SLC22A23: variants seen among roughly 807,000 people sequenced by gnomAD.
SLC22A23 encodes the protein solute carrier family 22 member 23, also known as ion transporter protein.
Under a neutral mutation model 61.0 loss-of-function variants are expected in SLC22A23, and 26 were observed. That is an observed-to-expected ratio of 0.43 (90% CI 0.31 to 0.59). SLC22A23 has a LOEUF of 0.59. Among genes scored for constraint, SLC22A23 ranks in the 20% least tolerant of loss-of-function variants. SLC22A23 has a pLI of 0.11. For missense variants in SLC22A23, 796 were observed against 934.7 expected, an observed-to-expected ratio of 0.85 and a Z score of 1.94; for synonymous variants, 430 against 413.9, an observed-to-expected ratio of 1.04 and a Z score of -0.47.
At chr6:3,429,887 G>C (rs946720288) in intron 1 of SLC22A23, among the ~76,000 whole-genome samples, 1 of 152,220 alleles carries the variant, frequency 6.6e-6, no homozygotes, top group Non-Finnish European at 1.5e-5. Context: ...GGGGTTACCA[G>C]GGGCTGGGGT....
chr6:3,456,571 G>A lies in SLC22A23; in HGVS notation c.-12C>T. On this transcript the variant is annotated 5_prime_UTR_variant, in exon 1 of 10. Coordinates refer to ENST00000406686, the MANE Select transcript of SLC22A23 (RefSeq NM_015482.2). The surrounding 1 kb of genome is among the most constrained non-coding windows in gnomAD (Gnocchi z 7.1). ...CGGTCTATGGCCATGGCCCGGGCCCGCGGCTCCCGCAGAGGCGCATAGAGC... is the reference window on the plus strand; with the variant it reads ...CGGTCTATGGCCATGGCCCGGGCCCACGGCTCCCGCAGAGGCGCATAGAGC... 1 of 983,058 alleles carries A rather than the reference G, an allele frequency of 1.0e-6. No individual in the cohort carries two copies. The highest frequency in any genetic ancestry group is 1.2e-6 in the Non-Finnish European group (1 of 830,146). 60.9% of individuals were successfully genotyped at this position (983,058 alleles called of 1,614,324 possible).
intron 1 of SLC22A23, among the ~76,000 whole-genome samples, chr6:3,455,037 A>C (rs1410201050): frequency 6.6e-6 from 1 of 152,208 alleles, no homozygotes; most frequent in African/African-American, 2.4e-5. Context: ...TATCTCTTAT[A>C]TGTTAAGAAT....
chr6:3,428,862 C>T (rs148701370), intron 1 of SLC22A23, among the ~76,000 whole-genome samples: 6 of 152,228 alleles, frequency 3.9e-5, no homozygotes, highest in East Asian at 1.9e-4. Flanking sequence ...GGCTAATTAG[C>T]GATAACATTC....
intron 3 of SLC22A23, among the ~76,000 whole-genome samples, chr6:3,382,744 T>C (rs28636576): frequency 0.022 from 3,299 of 152,324 alleles, 135 homozygotes; most frequent in East Asian, 0.16. Flanking sequence ...AAAAAACATA[T>C]GGCCTGCAAA....
chr6:3,396,187 C>T (rs536480019), intron 3 of SLC22A23, among the ~76,000 whole-genome samples: 1 of 152,288 alleles, frequency 6.6e-6, no homozygotes, highest in Admixed American at 6.5e-5. Flanking sequence ...TGGTCCCTGG[C>T]TAGGGCTCCA....
chr6:3,316,218 T>G (rs1762630620), intron 4 of SLC22A23, among the ~76,000 whole-genome samples: 1 of 152,186 alleles, frequency 6.6e-6, no homozygotes, highest in South Asian at 2.1e-4. Context: ...AGTGATTTGG[T>G]GAAGGTTTTT....
intron 8 of SLC22A23, chr6:3,284,861 CACAA>C (rs1305688712): frequency 3.3e-6 from 5 of 1,521,858 alleles, no homozygotes; most frequent in Admixed American, 2.0e-5. Context: ...CCAAGCAGCA[CACAA>C]ACAGGGAAGC....
At chr6:3,404,718 T>G (rs1768674210) in intron 3 of SLC22A23, among the ~76,000 whole-genome samples, 1 of 152,168 alleles carries the variant, frequency 6.6e-6, no homozygotes, top group African/African-American at 2.4e-5. Context: ...TTACTTACCC[T>G]GCAGTGAGCC....
intron 3 of SLC22A23, among the ~76,000 whole-genome samples, chr6:3,389,037 G>A (rs1767488001): frequency 6.6e-6 from 1 of 151,962 alleles, no homozygotes; most frequent in Non-Finnish European, 1.5e-5. Context: ...GGAGGCTGCG[G>A]CGGGCAGATC....
rs201558516 is a variant in SLC22A23 at position 3,454,819 on chromosome 6, A to G, written c.654+1087T>C. On this transcript the variant is annotated intron_variant, in intron 1 of 9. Coordinates refer to ENST00000406686, the MANE Select transcript of SLC22A23 (RefSeq NM_015482.2). The surrounding 1 kb of genome is among the most constrained non-coding windows in gnomAD (Gnocchi z 4.3). ...TTTATCTTACACATCCATGAGCTAC[A>G]ACTGTTAACCAATGCACACGGGGGG... Among the ~76,000 whole-genome samples the G allele has an allele frequency of 6.6e-6, 1 of 152,226 alleles. No homozygotes were observed. Among genetic ancestry groups the G allele is most frequent in the Non-Finnish European group, 1.5e-5 (1 of 68,048 alleles).
chr6:3,376,878 G>T (rs1426505830), intron 3 of SLC22A23, among the ~76,000 whole-genome samples: 1 of 152,168 alleles, frequency 6.6e-6, no homozygotes, highest in Non-Finnish European at 1.5e-5. Context: ...GGCCTTCTGA[G>T]TTGGTCCCTG....
chr6:3,321,070 C>T (rs1004451966), intron 4 of SLC22A23, among the ~76,000 whole-genome samples: 13 of 152,070 alleles, frequency 8.5e-5, no homozygotes, highest in African/African-American at 2.6e-4. Flanking sequence ...AGAGATTAAG[C>T]GACTTGCTCA....
At position 3,296,483 on chromosome 6, in the gene SLC22A23, A is replaced by G. The variant is rs368666048; in HGVS notation, c.1210+1608T>C. Among the ~76,000 whole-genome samples, 8 of 152,310 alleles carry G rather than the reference A, an allele frequency of 5.3e-5. No individual in the cohort carries two copies. In the South Asian group the frequency reaches 1.7e-3, roughly 32 times the overall value. On this transcript the variant is annotated intron_variant, in intron 5 of 9. Coordinates refer to ENST00000406686, the MANE Select transcript of SLC22A23 (RefSeq NM_015482.2). ...ATAGGCTGTCATGGAGAAATAATAC[A>G]CGTGAAGCACTTGGGGGCTAAATAT...
At chr6:3,388,168 C>T (rs900561115) in intron 3 of SLC22A23, among the ~76,000 whole-genome samples, 16 of 152,286 alleles carry the variant, frequency 1.1e-4, no homozygotes, top group Admixed American at 5.2e-4. Flanking sequence ...CAACAAAGAA[C>T]GAAGGAGACT....
chr6:3,298,063 G>T, intron 5 of SLC22A23, 28 bp downstream of exon 5: 1 of 1,491,678 alleles, frequency 6.7e-7, no homozygotes, highest in Non-Finnish European at 8.9e-7. Flanking sequence ...GAGCCTCTCT[G>T]AGCCCTGCCA....
At chr6:3,379,682 C>T (rs1366535446) in intron 3 of SLC22A23, among the ~76,000 whole-genome samples, 1 of 152,138 alleles carries the variant, frequency 6.6e-6, no homozygotes, top group African/African-American at 2.4e-5. Flanking sequence ...ACTACCCTCG[C>T]TTCATATCAC....
rs987341044 is a variant in SLC22A23 at position 3,304,627 on chromosome 6, G to GCGT, written c.1083-6412_1083-6410dup. Among the ~76,000 whole-genome samples the GCGT allele has an allele frequency of 6.6e-6, 1 of 151,160 alleles. No individual in the cohort carries two copies. Among genetic ancestry groups the GCGT allele is most frequent in the Non-Finnish European group, 1.5e-5 (1 of 67,390 alleles). ...AGCGAGTTGGATAGAAGCCCGCATG[G>GCGT]CGTGGGTTGTAGTGGGGGCAGTCCC... On this transcript the variant is annotated intron_variant, in intron 4 of 9. Transcript: ENST00000406686. This position sits in a 1 kb window ranked among gnomAD's most constrained non-coding sequence, Gnocchi z 4.3.
At chr6:3,413,529 C>A (rs1341874641) in intron 2 of SLC22A23, among the ~76,000 whole-genome samples, 2 of 152,260 alleles carry the variant, frequency 1.3e-5, no homozygotes, top group African/African-American at 4.8e-5. Context: ...CCTGGGGCCA[C>A]TGGCCATCGG....
At chr6:3,388,416 G>A (rs932701648) in intron 3 of SLC22A23, among the ~76,000 whole-genome samples, 1 of 152,200 alleles carries the variant, frequency 6.6e-6, no homozygotes, top group African/African-American at 2.4e-5. Context: ...AGTTTTGGGC[G>A]AGGATGTGGA....
Sources: gnomAD v4.1 joint callset for allele counts (sites outside exome capture counted in the v4.1 genomes callset) on GRCh38, gnomAD v4.1.1 for gene constraint, Gnocchi (gnomAD v3.1) non-coding constraint, MANE v1.5 for transcripts, NCBI Gene and HGNC (gene_info 2026-07-23, HGNC 2026-07-21) for gene names.